The following OTUD7A variants were observed in gnomAD, a reference collection of about 807,000 sequenced individuals.
OTUD7A encodes the protein OTU deubiquitinase 7A, also known as OTU domain-containing protein 7A.
Under a neutral mutation model 65.7 loss-of-function variants are expected in OTUD7A, and 12 were observed. The ratio of observed to expected loss-of-function variants is 0.18; its 90% CI spans 0.12 to 0.30. The LOEUF (loss-of-function observed/expected upper bound fraction) is 0.30, where lower values mean the gene tolerates loss of function less well. OTUD7A is among the 10% of genes least tolerant of loss of function. The pLI is 1.00. For synonymous variants in OTUD7A, 641 were observed against 586.3 expected, an observed-to-expected ratio of 1.09 and a Z score of -1.35; for missense variants, 1,148 against 1,304.8, an observed-to-expected ratio of 0.88 and a Z score of 1.85.
rs754339388 is a variant in OTUD7A at position 31,792,125 on chromosome 15, A to T, written c.-100+78382T>A. Among the ~76,000 whole-genome samples the T allele has an allele frequency of 3.7e-4, 56 of 152,186 alleles. 1 individual carries two copies. Among genetic ancestry groups the T allele is most frequent in the Non-Finnish European group, 8.8e-5 (6 of 68,040 alleles). ...CCTCCGCATTTCTCGTCCGCTCCTC[A>T]GCAACTATGTGCAATCAGCAGGCAG... On this transcript the variant is annotated intron_variant, in intron 1 of 12. Transcript: ENST00000307050.
chr15:31,684,283 G>C (rs1182924114), intron 1 of OTUD7A, among the ~76,000 whole-genome samples: 2 of 152,124 alleles, frequency 1.3e-5, no homozygotes, highest in Non-Finnish European at 2.9e-5. Context: ...GGAGAAAGGA[G>C]ATGGGAGAAG....
chr15:31,681,421 T>A (rs191991780), intron 1 of OTUD7A, among the ~76,000 whole-genome samples: 2 of 152,178 alleles, frequency 1.3e-5, no homozygotes, highest in East Asian at 3.9e-4. Flanking sequence ...CACCTGTCTG[T>A]CTCTCTATGC....
chr15:31,836,654 T>C (rs1897062252), intron 1 of OTUD7A, among the ~76,000 whole-genome samples: 1 of 152,144 alleles, frequency 6.6e-6, no homozygotes, highest in African/African-American at 2.4e-5. Context: ...CATGACCAAG[T>C]AGGCTTGATT....
intron 1 of OTUD7A, among the ~76,000 whole-genome samples, chr15:31,751,799 C>T (rs1018473720): frequency 6.6e-6 from 1 of 152,056 alleles, no homozygotes; most frequent in Non-Finnish European, 1.5e-5. Context: ...TATCCTAGTG[C>T]AATTAACACA....
At chr15:31,665,735 C>T (rs1271293865) in intron 1 of OTUD7A, among the ~76,000 whole-genome samples, 7 of 152,178 alleles carry the variant, frequency 4.6e-5, no homozygotes, top group Non-Finnish European at 1.0e-4. Context: ...TGTCTTGTTC[C>T]AGTTCTCAGA....
chr15:31,822,871 C>A (rs1896718898), intron 1 of OTUD7A, among the ~76,000 whole-genome samples: 1 of 152,150 alleles, frequency 6.6e-6, no homozygotes, highest in Non-Finnish European at 1.5e-5. Flanking sequence ...ACGGAGGACT[C>A]TAAGATCTCC....
chr15:31,628,432 C>G (rs1049047356), intron 3 of OTUD7A, among the ~76,000 whole-genome samples: 12 of 152,020 alleles, frequency 7.9e-5, no homozygotes, highest in Non-Finnish European at 1.3e-4. Flanking sequence ...TGAGGGCTCT[C>G]TTCTGTTCCA....
intron 10 of OTUD7A, among the ~76,000 whole-genome samples, chr15:31,491,432 C>T (rs1281536576): frequency 6.6e-6 from 1 of 152,044 alleles, no homozygotes; most frequent in East Asian, 1.9e-4. Context: ...ATCTGTAAAC[C>T]TCAAGATAGG....
chr15:31,517,451 C>T (rs920905327), intron 8 of OTUD7A, among the ~76,000 whole-genome samples: 7 of 152,186 alleles, frequency 4.6e-5, no homozygotes, highest in Admixed American at 1.3e-4. Context: ...TGAGCAAATG[C>T]GAGATCTGGG....
chr15:31,503,845 T>C (rs1313737054), intron 8 of OTUD7A, 27 bp from the exon 9 acceptor site: 2 of 1,613,624 alleles, frequency 1.2e-6, no homozygotes, highest in South Asian at 1.1e-5. Flanking sequence ...AGCCAGCTGG[T>C]CACTGACTAA....
At chr15:31,575,239 T>C (rs1357523197) in intron 3 of OTUD7A, among the ~76,000 whole-genome samples, 3 of 152,226 alleles carry the variant, frequency 2.0e-5, no homozygotes, top group Admixed American at 1.3e-4. Flanking sequence ...CTTCCCCATG[T>C]AGCCCTGTGT....
At chr15:31,598,376 G>A (rs1006105608) in intron 3 of OTUD7A, among the ~76,000 whole-genome samples, 5 of 152,066 alleles carry the variant, frequency 3.3e-5, no homozygotes, top group African/African-American at 1.2e-4. Flanking sequence ...GCAGGGCGTC[G>A]CCTCACCCAG....
At chr15:31,533,063 C>A (rs1167773423) in intron 5 of OTUD7A, among the ~76,000 whole-genome samples, 1 of 149,960 alleles carries the variant, frequency 6.7e-6, no homozygotes, top group Admixed American at 6.6e-5. Flanking sequence ...AGAAAAAAAA[C>A]CCATAGAAAC....
chr15:31,623,832 G>A (rs1402401967), intron 3 of OTUD7A, among the ~76,000 whole-genome samples: 28 of 152,218 alleles, frequency 1.8e-4, no homozygotes, highest in Admixed American at 1.8e-3. Context: ...TGGAAATGCA[G>A]AAATCACCTG....
At chr15:31,669,731 TC>T (rs1892430955) in intron 1 of OTUD7A, among the ~76,000 whole-genome samples, 1 of 151,958 alleles carries the variant, frequency 6.6e-6, no homozygotes, top group Non-Finnish European at 1.5e-5. Context: ...GTGGTGTTTT[TC>T]CCCCCTCCTC....
At chr15:31,823,626 G>A (rs1007278837) in intron 1 of OTUD7A, among the ~76,000 whole-genome samples, 21 of 152,156 alleles carry the variant, frequency 1.4e-4, no homozygotes, top group African/African-American at 5.1e-4. Context: ...CCTACCTGAC[G>A]TAAAATATCT....
At chr15:31,662,734 T>C (rs886561128) in intron 1 of OTUD7A, among the ~76,000 whole-genome samples, 7 of 152,256 alleles carry the variant, frequency 4.6e-5, no homozygotes, top group African/African-American at 1.7e-4. Flanking sequence ...CTAAGAAATA[T>C]GTTTGTTTTA....
chr15:31,860,622 G>GAT (rs71113426), intron 1 of OTUD7A, among the ~76,000 whole-genome samples: 1,024 of 26,848 alleles, frequency 0.038, 36 homozygotes, highest in African/African-American at 0.077. Flanking sequence ...CAGAAGTGGA[G>GAT]ATATATATAT....
intron 3 of OTUD7A, among the ~76,000 whole-genome samples, chr15:31,604,104 A>G (rs572048282): frequency 5.9e-5 from 9 of 152,352 alleles, no homozygotes; most frequent in Non-Finnish European, 1.2e-4. Context: ...GTATATACCC[A>G]AAGGATTATA....
Sources: gnomAD v4.1 joint callset for allele counts (sites outside exome capture counted in the v4.1 genomes callset) on GRCh38, gnomAD v4.1.1 for gene constraint, MANE v1.5 for transcripts, NCBI Gene and HGNC (gene_info 2026-07-23, HGNC 2026-07-21) for gene names.